ITPR2: variants seen among roughly 807,000 people sequenced by gnomAD.
The protein encoded by ITPR2 is inositol 1,4,5-trisphosphate-gated calcium channel ITPR2.
A neutral mutation model predicts 317.1 loss-of-function variants in ITPR2; 207 were observed. The observed-to-expected ratio is 0.65, with a 90% CI of 0.58 to 0.73. The LOEUF (loss-of-function observed/expected upper bound fraction) is 0.73, where lower values mean the gene tolerates loss of function less well. Ranked by LOEUF, ITPR2 falls within the 30% of genes least tolerant of loss-of-function variation. The probability of loss-of-function intolerance (pLI) is 0.00; values close to 1 mark genes in which losing one functional copy is unlikely to be tolerated. For missense variants in ITPR2, 2,613 were observed against 3,284.0 expected, an observed-to-expected ratio of 0.80 and a Z score of 4.99; for synonymous variants, 1,156 against 1,149.1, an observed-to-expected ratio of 1.01 and a Z score of -0.12.
chr12:26,698,906 C>T (rs769772628), intron 9 of ITPR2, among the ~76,000 whole-genome samples: 11 of 151,870 alleles, frequency 7.2e-5, no homozygotes, highest in Admixed American at 3.9e-4. Context: ...AATTCTAGCA[C>T]GGTGTCCAGA....
At chr12:26,569,041 C>G (rs16931000) in intron 34 of ITPR2, among the ~76,000 whole-genome samples, 5,004 of 152,148 alleles carry the variant, frequency 0.033, 208 homozygotes, top group African/African-American at 0.094. Flanking sequence ...CCTTATACCT[C>G]ACAACTAAAT....
chr12:26,670,236 G>T (rs376191850), intron 13 of ITPR2, among the ~76,000 whole-genome samples: 1 of 152,338 alleles, frequency 6.6e-6, no homozygotes, highest in East Asian at 1.9e-4. Flanking sequence ...AGAACGGGCA[G>T]ACTGCCTCCT....
At chr12:26,767,371 G>A (rs777917235) in intron 2 of ITPR2, among the ~76,000 whole-genome samples, 5 of 152,172 alleles carry the variant, frequency 3.3e-5, no homozygotes, top group East Asian at 3.8e-4. Flanking sequence ...TCTGAGCCTA[G>A]GGCAGGAAGC....
intron 3 of ITPR2, among the ~76,000 whole-genome samples, chr12:26,725,060 C>T (rs2137049676): frequency 6.6e-6 from 1 of 152,218 alleles, no homozygotes; most frequent in Admixed American, 6.6e-5. Flanking sequence ...GAAATGCCCT[C>T]CAACATGTCT....
chr12:26,479,210 T>C (rs7966505), intron 43 of ITPR2, among the ~76,000 whole-genome samples: 122,131 of 150,326 alleles, frequency 0.81, 50,638 homozygotes, highest in Non-Finnish European at 0.9. Flanking sequence ...TTTGACTTAT[T>C]CAACTGTCAT....
intron 4 of ITPR2, 123 bp from the exon 5 acceptor site, chr12:26,722,678 G>C (rs1948857422): frequency 1.4e-6 from 1 of 706,378 alleles, no homozygotes; most frequent in African/African-American, 1.8e-5. Context: ...ATTAAACAAA[G>C]GAGTATTTTC....
chr12:26,468,337 C>T (rs796082900), intron 45 of ITPR2, among the ~76,000 whole-genome samples: 6 of 152,022 alleles, frequency 3.9e-5, no homozygotes, highest in African/African-American at 1.4e-4. Flanking sequence ...AGTTTACTAA[C>T]AATATTGGCA....
intron 39 of ITPR2, among the ~76,000 whole-genome samples, chr12:26,490,368 AT>A (rs1383838162): frequency 3.9e-5 from 6 of 152,236 alleles, no homozygotes; most frequent in African/African-American, 1.4e-4. Flanking sequence ...AGGACCATTC[AT>A]TCACAGAACC....
chr12:26,425,492 C>T (rs2136698208), intron 49 of ITPR2, among the ~76,000 whole-genome samples: 1 of 151,798 alleles, frequency 6.6e-6, no homozygotes, highest in East Asian at 1.9e-4. Flanking sequence ...CATGGTGAAA[C>T]CTCATCTCCA....
Position 26,556,446 on chromosome 12 carries a change from G to A in ITPR2, c.4822-71C>T, listed in dbSNP as rs1220426658. 2.8e-5 allele frequency: 41 copies of A among 1,451,320 alleles called. No homozygotes were observed. In the East Asian group the frequency reaches 9.4e-4, roughly 33 times the overall value. 89.9% of individuals were successfully genotyped at this position (1,451,320 alleles called of 1,614,324 possible). Reference sequence around the variant, plus strand: ...ATTTCATCTTTCGAAGATAAGACAAGCTCAAGAATACTAATGGGAATTTTA... The same window carrying A: ...ATTTCATCTTTCGAAGATAAGACAAACTCAAGAATACTAATGGGAATTTTA... On this transcript the variant is annotated intron_variant, in intron 35 of 56. Coordinates refer to ENST00000381340, the MANE Select transcript of ITPR2 (RefSeq NM_002223.4).
At chr12:26,653,289 G>A (rs1947298038) in intron 21 of ITPR2, among the ~76,000 whole-genome samples, 1 of 141,412 alleles carries the variant, frequency 7.1e-6, no homozygotes, top group African/African-American at 2.7e-5. Context: ...TCTGTCGTCA[G>A]GCTGGAGTAC....
intron 54 of ITPR2, among the ~76,000 whole-genome samples, chr12:26,397,293 G>A (rs1257060728): frequency 6.6e-6 from 1 of 151,856 alleles, no homozygotes; most frequent in Non-Finnish European, 1.5e-5. Flanking sequence ...GAAGACCCTT[G>A]TACTGTTCTT....
intron 2 of ITPR2, among the ~76,000 whole-genome samples, chr12:26,732,932 C>T (rs1949049833): frequency 6.6e-6 from 1 of 152,132 alleles, no homozygotes. Context: ...ATTTTTATTA[C>T]CAAATACTAA....
intron 34 of ITPR2, among the ~76,000 whole-genome samples, chr12:26,564,977 C>T (rs966860950): frequency 2.0e-5 from 3 of 152,108 alleles, no homozygotes; most frequent in African/African-American, 7.2e-5. Flanking sequence ...TAAAAAGAGT[C>T]TGACTAGCAT....
intron 2 of ITPR2, 67 bp downstream of exon 2, chr12:26,790,090 A>G: frequency 9.9e-7 from 1 of 1,006,048 alleles, no homozygotes; most frequent in East Asian, 2.4e-5. Flanking sequence ...AACATTACTT[A>G]CTTTGAGACA....
At chr12:26,646,417 TAG>T (rs1947116010) in intron 21 of ITPR2, among the ~76,000 whole-genome samples, 1 of 151,964 alleles carries the variant, frequency 6.6e-6, no homozygotes, top group East Asian at 1.9e-4. Flanking sequence ...CACTTCAAGG[TAG>T]ATAATGTGCA....
chr12:26,702,427 T>A (rs1948463616), intron 9 of ITPR2, among the ~76,000 whole-genome samples: 1 of 128,032 alleles, frequency 7.8e-6, no homozygotes, highest in Admixed American at 9.7e-5. Context: ...GGTGTTTTTT[T>A]TTTCTTTTTT....
chr12:26,483,652 C>A (rs1017737659), intron 42 of ITPR2, 46 bp downstream of exon 42: 1 of 1,413,168 alleles, frequency 7.1e-7, no homozygotes, highest in Non-Finnish European at 1.0e-6. Context: ...TGGCTCCTTC[C>A]CCAAATTAAT....
At chr12:26,459,289 C>T (rs958819422) in intron 45 of ITPR2, among the ~76,000 whole-genome samples, 36 of 152,340 alleles carry the variant, frequency 2.4e-4, no homozygotes, top group African/African-American at 8.2e-4. Context: ...ATTCTCCCCT[C>T]TTCTCCAGGT....
Sources: allele counts gnomAD v4.1 joint callset (sites outside exome capture counted in the v4.1 genomes callset), GRCh38; gene constraint gnomAD v4.1.1; transcripts MANE v1.5; gene names NCBI Gene and HGNC (gene_info 2026-07-23, HGNC 2026-07-21).